Variants in IFT25 observed in about 807,000 individuals in gnomAD.
The protein encoded by IFT25 is intraflagellar transport protein 25 homolog.
chr1:53,912,684 A>G, the IFT25 span, among the ~76,000 whole-genome samples: 2 of 152,182 alleles, frequency 1.3e-5, no homozygotes, highest in African/African-American at 4.8e-5. Context: ...AAGGTGGGAA[A>G]AGGGCTATGT....
the IFT25 span, among the ~76,000 whole-genome samples, chr1:53,915,410 C>T: frequency 1.3e-5 from 2 of 152,138 alleles, no homozygotes; most frequent in Admixed American, 6.6e-5. Flanking sequence ...CACCTGAATG[C>T]AGGTGGCACT....
At chr1:53,944,849 CT>C in the IFT25 span, among the ~76,000 whole-genome samples, 1 of 152,178 alleles carries the variant, frequency 6.6e-6, no homozygotes, top group Non-Finnish European at 1.5e-5. Flanking sequence ...CCAGTTCACC[CT>C]TTCATCGCTA....
chr1:53,913,209 C>T, the IFT25 span, among the ~76,000 whole-genome samples: 1 of 152,220 alleles, frequency 6.6e-6, no homozygotes, highest in Non-Finnish European at 1.5e-5. Context: ...CAAGGTGGGG[C>T]AGTCTACTTC....
chr1:53,946,284 TGGCCCCGCCTCCAGGTCC>T, the IFT25 span: 1 of 151,218 alleles, frequency 6.6e-6, no homozygotes, highest in Non-Finnish European at 1.5e-5. Flanking sequence ...GCCCTGGGCC[TGGCCCCGCCTCCAGGTCC>T]GGCCCCGCCT....
At chr1:53,941,162 T>C in the IFT25 span, among the ~76,000 whole-genome samples, 1 of 152,012 alleles carries the variant, frequency 6.6e-6, no homozygotes, top group Non-Finnish European at 1.5e-5. Context: ...GCCCAGCTAA[T>C]TTTTGTATTT....
chr1:53,943,655 G>A, the IFT25 span, among the ~76,000 whole-genome samples: 5 of 152,024 alleles, frequency 3.3e-5, no homozygotes, highest in Non-Finnish European at 7.4e-5. Flanking sequence ...CAAGGTCTGG[G>A]CTCTATGGCC....
At chr1:53,913,435 G>A in the IFT25 span, among the ~76,000 whole-genome samples, 1 of 152,186 alleles carries the variant, frequency 6.6e-6, no homozygotes, top group Non-Finnish European at 1.5e-5. Flanking sequence ...CCCCTTCTGG[G>A]TCTTTTCTGA....
the IFT25 span, among the ~76,000 whole-genome samples, chr1:53,935,540 G>T: frequency 6.6e-6 from 1 of 152,042 alleles, no homozygotes; most frequent in African/African-American, 2.4e-5. Context: ...GGAAGCCACT[G>T]AATTGTATAT....
the IFT25 span, among the ~76,000 whole-genome samples, chr1:53,917,895 A>G: frequency 5.3e-5 from 8 of 152,156 alleles, no homozygotes; most frequent in Admixed American, 5.2e-4. Flanking sequence ...CGATCCACAC[A>G]TGGCATGTGG....
chr1:53,912,214 C>G, the IFT25 span, among the ~76,000 whole-genome samples: 1 of 152,180 alleles, frequency 6.6e-6, no homozygotes, highest in South Asian at 2.1e-4. Context: ...CAATTCGTGT[C>G]TACAAATGCA....
At chr1:53,913,686 T>C in the IFT25 span, among the ~76,000 whole-genome samples, 6 of 152,304 alleles carry the variant, frequency 3.9e-5, no homozygotes, top group East Asian at 3.9e-4. Context: ...CCAAAATGCA[T>C]ATGTTGAAGA....
the IFT25 span, chr1:53,930,000 CAAAAAAAAA>C: frequency 7.1e-7 from 1 of 1,407,442 alleles, no homozygotes; most frequent in Non-Finnish European, 9.2e-7. Flanking sequence ...CCTGGAGCAC[CAAAAAAAAA>C]AAAAAAAAAT....
At chr1:53,914,099 A>G in the IFT25 span, among the ~76,000 whole-genome samples, 1 of 152,240 alleles carries the variant, frequency 6.6e-6, no homozygotes, top group South Asian at 2.1e-4. Context: ...CTTCCCTGCC[A>G]TTCTGTTATT....
chr1:53,944,101 C>A, the IFT25 span, among the ~76,000 whole-genome samples: 4 of 152,184 alleles, frequency 2.6e-5, no homozygotes, highest in African/African-American at 9.6e-5. Flanking sequence ...TTCACCATTA[C>A]CCTTCCTATT....
the IFT25 span, among the ~76,000 whole-genome samples, chr1:53,932,523 A>G: frequency 6.6e-6 from 1 of 152,164 alleles, no homozygotes; most frequent in Middle Eastern, 3.2e-3. Context: ...CTTGAAATAT[A>G]TTGAGACTTA....
At chr1:53,923,933 C>G in the IFT25 span, 2 of 1,593,706 alleles carry the variant, frequency 1.3e-6, no homozygotes, top group South Asian at 1.1e-5. Flanking sequence ...AGCTGCCCCT[C>G]TGTGTGTACC....
the IFT25 span, among the ~76,000 whole-genome samples, chr1:53,931,054 G>T: frequency 6.6e-6 from 1 of 152,084 alleles, no homozygotes; most frequent in East Asian, 1.9e-4. Context: ...TGAAAATACA[G>T]AACATTTCCG....
the IFT25 span, chr1:53,924,032 G>A: frequency 2.4e-6 from 2 of 830,464 alleles, no homozygotes; most frequent in Non-Finnish European, 4.1e-6. Flanking sequence ...AGCAAAATAT[G>A]ATATCTGGTA....
At chr1:53,940,612 A>T in the IFT25 span, among the ~76,000 whole-genome samples, 1 of 152,242 alleles carries the variant, frequency 6.6e-6, no homozygotes, top group African/African-American at 2.4e-5. Flanking sequence ...ATAAAGATAC[A>T]GACTAAAAGC....
Sources: allele counts gnomAD v4.1 joint callset (sites outside exome capture counted in the v4.1 genomes callset), GRCh38; gene constraint gnomAD v4.1.1; transcripts MANE v1.5; gene names NCBI Gene and HGNC (gene_info 2026-07-23, HGNC 2026-07-21).